The following PCLO variants were observed in gnomAD, a reference collection of about 807,000 sequenced individuals.
PCLO encodes piccolo presynaptic cytomatrix protein, also known as protein piccolo.
Under a neutral mutation model 427.5 loss-of-function variants are expected in PCLO, and 82 were observed. The ratio of observed to expected loss-of-function variants is 0.19; its 90% CI spans 0.16 to 0.23. PCLO has a LOEUF of 0.23. Ranked by LOEUF, PCLO falls within the 10% of genes least tolerant of loss-of-function variation. The pLI, the probability that PCLO is intolerant of heterozygous loss-of-function variation, is 1.00. For synonymous variants in PCLO, 2,357 were observed against 2,155.4 expected, an observed-to-expected ratio of 1.09 and a Z score of -2.59; for missense variants, 6,239 against 6,115.9, an observed-to-expected ratio of 1.02 and a Z score of -0.67.
chr7:82,933,336 A>T (rs1286258047), intron 6 of PCLO, among the ~76,000 whole-genome samples: 1 of 152,022 alleles, frequency 6.6e-6, no homozygotes, highest in Non-Finnish European at 1.5e-5. Context: ...GTATAACCTG[A>T]GGTTTTCCAT....
chr7:83,114,957 G>A (rs1791095893), intron 3 of PCLO, among the ~76,000 whole-genome samples: 1 of 151,992 alleles, frequency 6.6e-6, no homozygotes, highest in Non-Finnish European at 1.5e-5. Context: ...GATAATACCT[G>A]CATAGTTACT....
Position 82,965,997 on chromosome 7 carries a change from A to G in PCLO, c.3791T>C (p.Leu1264Ser). ...AGCAATTTGTACTTGAGATTTAAGT[A>G]AGTCATGTTTCTGTTCTTCTGGGGC... ...TSAPEEQKHD[L>S]LKSQVQIAEE... is the part of the protein sequence containing the mutation. The change falls in exon 4 of 25, where the codon TTA becomes TCA. Residue 1264 changes from leucine (L) to serine (S), a missense_variant. Physicochemically the swap from Leu to Ser is moderately radical, Grantham distance 145. Around this residue, in one of 5 missense-constraint regions of PCLO, gnomAD observed 4,677 missense variants for 4,468.4 expected, o/e 1.05. Coordinates refer to ENST00000333891, the MANE Select transcript of PCLO (RefSeq NM_033026.6). 1 of 1,613,796 alleles carries G rather than the reference A, an allele frequency of 6.2e-7. No individual in the cohort carries two copies. Among genetic ancestry groups the G allele is most frequent in the East Asian group, 2.2e-5 (1 of 44,870 alleles).
Position 82,804,827 on chromosome 7 carries a change from A to G in PCLO, c.14933+861T>C, listed in dbSNP as rs557457963. Among the ~76,000 whole-genome samples the G allele has an allele frequency of 7.2e-5, 11 of 152,270 alleles. No individual in the cohort carries two copies. In the South Asian group the frequency reaches 2.3e-3, roughly 32 times the overall value. On this transcript the variant is annotated intron_variant, in intron 21 of 24. Coordinates refer to ENST00000333891, the MANE Select transcript of PCLO (RefSeq NM_033026.6). ...CTACACTTTCGAAAATGGAAATGCC[A>G]TTTTTAGCTCACAGGTCTTAGAAAA...
intron 4 of PCLO, among the ~76,000 whole-genome samples, chr7:82,959,729 C>A (rs1795612440): frequency 6.6e-6 from 1 of 152,192 alleles, no homozygotes; most frequent in Non-Finnish European, 1.5e-5. Context: ...GCCTGGTCTC[C>A]TCCCTCCACA....
intron 22 of PCLO, 147 bp downstream of exon 22, chr7:82,801,371 C>T (rs2129468672): frequency 2.0e-6 from 1 of 504,628 alleles, no homozygotes; most frequent in Non-Finnish European, 3.5e-6. Context: ...CAGTCATTCT[C>T]ATTTAATAGA....
chr7:82,949,360 C>A, intron 6 of PCLO, 116 bp downstream of exon 6: 1 of 753,220 alleles, frequency 1.3e-6, no homozygotes, highest in Non-Finnish European at 2.2e-6. Context: ...ATAATCTTCA[C>A]CCTAATCTAG....
chr7:82,954,431 T>G lies in PCLO; in HGVS notation c.6522A>C (p.Thr2174=). The change falls in exon 5 of 25, where the codon ACA becomes ACC. Residue 2174 remains threonine, a synonymous_variant. Coordinates refer to ENST00000333891, the MANE Select transcript of PCLO (RefSeq NM_033026.6). Reference sequence around the variant, plus strand: ...AAGGTGTGTCAGAGGGTGGGACAGATGTAGCACTTTCTGAAGGCTCCGAGT... The same window carrying G: ...AAGGTGTGTCAGAGGGTGGGACAGAGGTAGCACTTTCTGAAGGCTCCGAGT... ...LTYSEPSESA[T]SVPPSDTPSL... 6.2e-7 allele frequency: 1 copy of G among 1,613,978 alleles called. No homozygotes were observed. The highest frequency in any genetic ancestry group is 8.5e-7 in the Non-Finnish European group (1 of 1,179,846).
At chr7:83,097,277 CT>C (rs1480783347) in intron 3 of PCLO, among the ~76,000 whole-genome samples, 2 of 141,060 alleles carry the variant, frequency 1.4e-5, no homozygotes, top group Non-Finnish European at 3.0e-5. Context: ...AATCCCAGCA[CT>C]TTGGGAGGCT....
chr7:83,138,827 G>C (rs527249907), intron 2 of PCLO, among the ~76,000 whole-genome samples: 3 of 151,896 alleles, frequency 2.0e-5, no homozygotes, highest in African/African-American at 7.2e-5. Flanking sequence ...GGGCCTCTCG[G>C]GGGGTGGGGA....
At chr7:83,158,627 A>G (rs1792358287) in intron 1 of PCLO, among the ~76,000 whole-genome samples, 1 of 152,020 alleles carries the variant, frequency 6.6e-6, no homozygotes, top group Admixed American at 6.5e-5. Context: ...TCATATTTGT[A>G]AAACAACAAA....
chr7:83,083,082 C>G (rs1583998545), intron 3 of PCLO, among the ~76,000 whole-genome samples: 2 of 151,722 alleles, frequency 1.3e-5, no homozygotes, highest in African/African-American at 4.8e-5. Flanking sequence ...TACTTTAGCA[C>G]TTTATTTTAT....
At chr7:82,856,804 CA>C (rs1242186646) in intron 10 of PCLO, among the ~76,000 whole-genome samples, 1 of 152,094 alleles carries the variant, frequency 6.6e-6, no homozygotes, top group Non-Finnish European at 1.5e-5. Context: ...AACGCCTCCT[CA>C]AAAACTCATG....
chr7:82,772,526 T>C (rs1472588060), intron 22 of PCLO, among the ~76,000 whole-genome samples: 1 of 152,132 alleles, frequency 6.6e-6, no homozygotes, highest in Non-Finnish European at 1.5e-5. Flanking sequence ...CATTAATACC[T>C]TTATTTGAAA....
At chr7:83,060,119 C>A (rs186861779) in intron 3 of PCLO, among the ~76,000 whole-genome samples, 1 of 152,292 alleles carries the variant, frequency 6.6e-6, no homozygotes, top group South Asian at 2.1e-4. Flanking sequence ...TTCCAGACTG[C>A]AGAGACAGCA....
intron 3 of PCLO, among the ~76,000 whole-genome samples, chr7:83,126,160 G>A (rs933516170): frequency 1.3e-5 from 2 of 152,032 alleles, no homozygotes; most frequent in African/African-American, 4.8e-5. Context: ...CTCATATGTG[G>A]GAACTAAAAA....
intron 10 of PCLO, among the ~76,000 whole-genome samples, chr7:82,855,273 G>A (rs900018524): frequency 6.6e-6 from 1 of 152,022 alleles, no homozygotes; most frequent in African/African-American, 2.4e-5. Flanking sequence ...GTTTTAATCT[G>A]TTATACTATA....
chr7:83,072,663 C>T (rs910156109), intron 3 of PCLO, among the ~76,000 whole-genome samples: 6 of 152,012 alleles, frequency 3.9e-5, no homozygotes, highest in Non-Finnish European at 5.9e-5. Context: ...GTACCAGTTT[C>T]GTTCAGCTAC....
At chr7:82,982,061 C>A (rs533927307) in intron 3 of PCLO, among the ~76,000 whole-genome samples, 8 of 152,196 alleles carry the variant, frequency 5.3e-5, no homozygotes, top group Non-Finnish European at 1.0e-4. Context: ...GAAACTACTG[C>A]AGGAATCTTT....
At chr7:83,011,203 A>T (rs1788068590) in intron 3 of PCLO, among the ~76,000 whole-genome samples, 1 of 152,060 alleles carries the variant, frequency 6.6e-6, no homozygotes, top group African/African-American at 2.4e-5. Flanking sequence ...CAAAACTACC[A>T]TGTGAAATTT....
Sources: allele counts gnomAD v4.1 joint callset (sites outside exome capture counted in the v4.1 genomes callset), GRCh38; gene constraint gnomAD v4.1.1; regional missense constraint gnomAD v4.1.1; transcripts MANE v1.5; gene names NCBI Gene and HGNC (gene_info 2026-07-23, HGNC 2026-07-21).